The following FCER2 variants were observed in gnomAD, a reference collection of about 807,000 sequenced individuals.
The protein encoded by FCER2 is Fc epsilon receptor II, also known as low affinity immunoglobulin epsilon Fc receptor.
A neutral mutation model predicts 49.7 loss-of-function variants in FCER2; 38 were observed. The observed-to-expected ratio is 0.76, with a 90% CI of 0.59 to 1.00. FCER2 has a LOEUF of 1.00. FCER2 is among the 50% of genes least tolerant of loss of function. The pLI is 0.00. For synonymous variants in FCER2, 163 were observed against 164.6 expected, an observed-to-expected ratio of 0.99 and a Z score of 0.07; for missense variants, 425 against 419.5, an observed-to-expected ratio of 1.01 and a Z score of -0.11.
chr19:7,700,058 CT>C (rs1346363270), intron 1 of FCER2: 1 of 484,568 alleles, frequency 2.1e-6, no homozygotes, highest in Admixed American at 3.6e-5. Flanking sequence ...GCCCATCACA[CT>C]TGAGCTACAC....
chr19:7,694,956 T>C (rs2032975240), intron 8 of FCER2, among the ~76,000 whole-genome samples: 1 of 152,100 alleles, frequency 6.6e-6, no homozygotes, highest in African/African-American at 2.4e-5. Context: ...CACCTCAGCC[T>C]CCGGAGTAGA....
rs773067779 is a variant in FCER2, at chr19:7,689,270, C to T, written c.889G>A (p.Ala297Thr). Residue 297 changes from alanine (A) to threonine (T), a missense_variant, in exon 11 of 11, where the codon GCG becomes ACG. Coordinates refer to ENST00000597921, the MANE Select transcript of FCER2 (RefSeq NM_001220500.2). ...TCTPPASEGSAESMGPDSRPD... is the reference protein window; with the variant it reads ...TCTPPASEGSTESMGPDSRPD... ...CTTGAATCAGGTCCCATGGACTCCG[C>T]GGAACCTTCGCTGGCTGGCGGCGTG... 1.4e-5 allele frequency: 23 copies of T among 1,613,658 alleles called. No individual in the cohort carries two copies. The highest frequency in any genetic ancestry group is 3.3e-5 in the Admixed American group (2 of 59,984).
rs1164476690 is a variant in FCER2, at chr19:7,689,547, C to T, written c.729-117G>A. The T allele has an allele frequency of 6.3e-6, 4 of 639,204 alleles. 1 individual carries two copies. Among genetic ancestry groups the T allele is most frequent in the Admixed American group, 5.8e-5 (2 of 34,314 alleles). 39.6% of individuals were successfully genotyped at this position (639,204 alleles called of 1,614,324 possible). ...CCAGGTTCCCCATCCTGAGTCTGTGCCTGGGGACCGGTACCTCATTTTGGT... is the reference window on the plus strand; with the variant it reads ...CCAGGTTCCCCATCCTGAGTCTGTGTCTGGGGACCGGTACCTCATTTTGGT... On this transcript the variant is annotated intron_variant, in intron 10 of 10. Transcript: ENST00000597921.
chr19:7,695,910 C>T (rs999553986), intron 8 of FCER2, among the ~76,000 whole-genome samples: 3 of 148,796 alleles, frequency 2.0e-5, no homozygotes, highest in Non-Finnish European at 4.4e-5. Flanking sequence ...GAGTAAGACT[C>T]CATCTCTCTC....
intron 3 of FCER2, 82 bp from the exon 4 acceptor site, chr19:7,698,491 A>G (rs2033076848): frequency 2.6e-6 from 3 of 1,175,028 alleles, no homozygotes; most frequent in Non-Finnish European, 3.8e-6. Flanking sequence ...CCAGCTGGGG[A>G]TGGAGGTCTT....
chr19:7,699,171 A>G (rs1281317432), intron 2 of FCER2, among the ~76,000 whole-genome samples: 1 of 151,258 alleles, frequency 6.6e-6, no homozygotes, highest in African/African-American at 2.4e-5. Context: ...CCCAACGCCC[A>G]CCCTTACACC....
chr19:7,693,684 T>G (rs1461442609), intron 8 of FCER2, among the ~76,000 whole-genome samples: 1 of 152,174 alleles, frequency 6.6e-6, no homozygotes, highest in Non-Finnish European at 1.5e-5. Context: ...AGTCTTGCTC[T>G]GTCTCCCAGG....
intron 8 of FCER2, 49 bp downstream of exon 8, chr19:7,696,776 G>T: frequency 7.1e-7 from 1 of 1,409,538 alleles, no homozygotes; most frequent in Non-Finnish European, 9.8e-7. Context: ...ACACGCCCGA[G>T]CCCCAGGTGA....
Position 7,698,377 on chromosome 19 carries a change from C to T in FCER2, c.169G>A (p.Glu57Lys). The change falls in exon 4 of 11, where the codon GAA (glutamate) becomes AAA (lysine). Residue 57 changes from glutamate to lysine, a missense_variant. Glu to Lys is a moderately conservative substitution (Grantham distance 56). Coordinates refer to ENST00000597921, the MANE Select transcript of FCER2 (RefSeq NM_001220500.2). ...WDTTQSLKQL[E>K]ERAARNVSQV... ...ATACCGTTCCGGGCAGCCCTCTCTTCCAGCTGTTTTAGACTCTGTGTGGTG... is the reference window on the plus strand; with the variant it reads ...ATACCGTTCCGGGCAGCCCTCTCTTTCAGCTGTTTTAGACTCTGTGTGGTG... 1.2e-6 allele frequency: 2 copies of T among 1,612,618 alleles called. No individual in the cohort carries two copies. The highest frequency in any genetic ancestry group is 1.7e-6 in the Non-Finnish European group (2 of 1,179,080).
intron 2 of FCER2, 175 bp downstream of exon 2, chr19:7,699,564 G>A (rs2033109463): frequency 4.1e-6 from 5 of 1,227,224 alleles, no homozygotes; most frequent in Non-Finnish European, 4.5e-6. Context: ...CTCCTTCCTG[G>A]CTCTGTGCCA....
At chr19:7,692,567 C>T (rs2032910579) in intron 8 of FCER2, among the ~76,000 whole-genome samples, 1 of 152,200 alleles carries the variant, frequency 6.6e-6, no homozygotes, top group Non-Finnish European at 1.5e-5. Flanking sequence ...TGCCCAACAA[C>T]ACGTAAACCC....
chr19:7,699,562 T>C, intron 2 of FCER2, 177 bp downstream of exon 2: 2 of 1,186,690 alleles, frequency 1.7e-6, no homozygotes, highest in Non-Finnish European at 2.3e-6. Context: ...CACTCCTTCC[T>C]GGCTCTGTGC....
intron 3 of FCER2, 163 bp downstream of exon 3, chr19:7,698,578 G>A (rs971135491): frequency 9.8e-5 from 92 of 936,288 alleles, no homozygotes; most frequent in Non-Finnish European, 3.2e-5. Flanking sequence ...TGGAGGGTGG[G>A]GGATGGGAAA....
Position 7,701,036 on chromosome 19 carries a change from C to T in FCER2, c.-86+979G>A, listed in dbSNP as rs576647051. ...TATTGATCAGGCTGGTCTCGAACTC[C>T]TGACCACAGGTGATCTGCCCTCCTC... On this transcript the variant is annotated intron_variant, in intron 1 of 10. Transcript: ENST00000597921. Among the ~76,000 whole-genome samples the T allele has an allele frequency of 2.0e-5, 3 of 152,080 alleles. No individual in the cohort carries two copies. In the South Asian group the frequency reaches 6.2e-4, roughly 32 times the overall value.
chr19:7,692,354 G>A lies in FCER2; in HGVS notation c.470-1797C>T, dbSNP rs1230758023. 3.2e-5 allele frequency among the ~76,000 whole-genome samples: 3 copies of A among 94,318 alleles called. 1 individual carries two copies. Among genetic ancestry groups the A allele is most frequent in the African/African-American group, 1.1e-4 (2 of 18,252 alleles). The allele number at this position is 94,318 out of a possible 152,430, so 61.9% of individuals were successfully genotyped here. A position where few individuals can be genotyped will look rare whatever the true frequency, so the allele number is the denominator to read the frequency against. On this transcript the variant is annotated intron_variant, in intron 8 of 10. Coordinates refer to ENST00000597921, the MANE Select transcript of FCER2 (RefSeq NM_001220500.2). Reference sequence around the variant, plus strand: ...CATCAACTACCAACACCATCACCACGAGCACATTCATGCCCAACAACACAT... The same window carrying A: ...CATCAACTACCAACACCATCACCACAAGCACATTCATGCCCAACAACACAT...
At chr19:7,690,684 G>A (rs1475428399) in intron 8 of FCER2, 127 bp from the exon 9 acceptor site, 4 of 894,318 alleles carry the variant, frequency 4.5e-6, no homozygotes, top group Non-Finnish European at 6.7e-6. Flanking sequence ...CCCACCCCAG[G>A]GCCTAACAGA....
In FCER2 at chr19:7,697,229, C is replaced by A. The variant is rs765140667; in HGVS notation, c.316+7G>T. The A allele has an allele frequency of 1.9e-6, 3 of 1,614,014 alleles. No homozygotes were observed. In the South Asian group the frequency reaches 3.3e-5, roughly 18 times the overall value. ...CTGGCTTCATAACCCCGATCCCAGT[C>A]TCTCACCCTGAGATTTCAATCTCTG... On this transcript the variant is annotated splice_region_variant and intron_variant, in intron 6 of 10. Transcript: ENST00000597921.
rs772612971 is a variant in FCER2 at position 7,697,295 on chromosome 19, G to A, written c.257C>T (p.Thr86Met). 8.7e-6 allele frequency: 14 copies of A among 1,613,978 alleles called. No individual in the cohort carries two copies. Among genetic ancestry groups the A allele is most frequent in the African/African-American group, 8.0e-5 (6 of 74,890 alleles). ...GDQMAQKSQS[T>M]QISQELEELR... ...TTCCTCCAGTTCCTGTGAAATCTGCGTGGCTGTTTGCAGGGGAGGGGGCTT... is the reference window on the plus strand; with the variant it reads ...TTCCTCCAGTTCCTGTGAAATCTGCATGGCTGTTTGCAGGGGAGGGGGCTT... The change falls in exon 6 of 11, where the codon ACG (threonine) becomes ATG (methionine). Residue 86 changes from threonine to methionine, a missense_variant. Transcript: ENST00000597921.
chr19:7,698,294 C>T (rs1198640849), intron 4 of FCER2, 62 bp downstream of exon 4: 99 of 1,174,982 alleles, frequency 8.4e-5, no homozygotes, highest in East Asian at 7.0e-4. Context: ...CAGAGAGGAG[C>T]GGGATGAGTG....
Sources: allele counts gnomAD v4.1 joint callset (sites outside exome capture counted in the v4.1 genomes callset), GRCh38; gene constraint gnomAD v4.1.1; transcripts MANE v1.5; gene names NCBI Gene and HGNC (gene_info 2026-07-23, HGNC 2026-07-21).